MCOLN2: variants seen among roughly 807,000 people sequenced by gnomAD.
The protein encoded by MCOLN2 is mucolipin-2.
A neutral mutation model predicts 67.5 loss-of-function variants in MCOLN2; 57 were observed. That is an observed-to-expected ratio of 0.84 (90% CI 0.68 to 1.05). The LOEUF is 1.05. Among genes scored for constraint, MCOLN2 ranks in the 50% least tolerant of loss-of-function variants. The pLI is 0.00. For missense variants in MCOLN2, 620 were observed against 678.8 expected, an observed-to-expected ratio of 0.91 and a Z score of 0.96; for synonymous variants, 246 against 233.3, an observed-to-expected ratio of 1.05 and a Z score of -0.50.
At chr1:84,995,962 C>T (rs1333874456) in intron 1 of MCOLN2, among the ~76,000 whole-genome samples, 1 of 152,010 alleles carries the variant, frequency 6.6e-6, no homozygotes, top group Non-Finnish European at 1.5e-5. Flanking sequence ...TTTAGAGTTC[C>T]GGCCACAGAA....
chr1:84,951,113 C>T (rs12138367), intron 6 of MCOLN2, among the ~76,000 whole-genome samples: 34,561 of 152,112 alleles, frequency 0.23, 4,072 homozygotes, highest in South Asian at 0.29. Flanking sequence ...CAGCTGGAGA[C>T]ATTCTTCCTT....
intron 1 of MCOLN2, among the ~76,000 whole-genome samples, chr1:84,987,665 T>TATAGAAATATACATAC (rs1170739953): frequency 7.9e-5 from 11 of 139,578 alleles, no homozygotes; most frequent in African/African-American, 2.6e-4. Context: ...TACATATGTA[T>TATAGAAATATACATAC]ATATGTATAT....
chr1:84,973,390 T>C (rs1571020627), intron 1 of MCOLN2, among the ~76,000 whole-genome samples: 2 of 152,228 alleles, frequency 1.3e-5, no homozygotes, highest in South Asian at 4.2e-4. Context: ...AGGTAGTAGA[T>C]TCGCTTAAGC....
chr1:84,957,459 A>T (rs1648854910), intron 3 of MCOLN2, among the ~76,000 whole-genome samples: 1 of 152,228 alleles, frequency 6.6e-6, no homozygotes, highest in African/African-American at 2.4e-5. Flanking sequence ...TTTCAGGAAC[A>T]TCCAAAAAAT....
intron 1 of MCOLN2, among the ~76,000 whole-genome samples, chr1:84,971,002 G>A (rs544568052): frequency 6.6e-6 from 1 of 152,206 alleles, no homozygotes; most frequent in African/African-American, 2.4e-5. Context: ...AAAAGAAAAA[G>A]GTCAAAGTAG....
At chr1:84,977,784 A>G (rs776194275) in intron 1 of MCOLN2, among the ~76,000 whole-genome samples, 10 of 152,216 alleles carry the variant, frequency 6.6e-5, no homozygotes, top group Non-Finnish European at 1.2e-4. Context: ...CCCCAATAAA[A>G]TAACAGCTGG....
At chr1:84,947,194 ATCTGCTT>A in intron 6 of MCOLN2, 62 bp from the exon 7 acceptor site, 4 of 865,078 alleles carry the variant, frequency 4.6e-6, no homozygotes, top group South Asian at 2.8e-5. Flanking sequence ...GTTAGATCAA[ATCTGCTT>A]AAAAAAAAAA....
At chr1:84,940,090 T>A (rs541836390) in intron 8 of MCOLN2, among the ~76,000 whole-genome samples, 1 of 150,936 alleles carries the variant, frequency 6.6e-6, no homozygotes, top group Admixed American at 6.6e-5. Context: ...AGGATCCGTG[T>A]CCAGGCAGGC....
intron 1 of MCOLN2, among the ~76,000 whole-genome samples, chr1:84,983,676 C>CTTT (rs569506991): frequency 3.1e-5 from 4 of 129,866 alleles, no homozygotes; most frequent in Non-Finnish European, 4.9e-5. Flanking sequence ...TTTAAAATTT[C>CTTT]TTTTTTTTTT....
intron 7 of MCOLN2, among the ~76,000 whole-genome samples, chr1:84,941,509 A>AAAAAAC (rs1478339183): frequency 6.6e-6 from 1 of 152,158 alleles, no homozygotes; most frequent in African/African-American, 2.4e-5. Context: ...AACAAAAAAC[A>AAAAAAC]AAAAACAAAA....
intron 11 of MCOLN2, among the ~76,000 whole-genome samples, chr1:84,935,678 G>A (rs1647387458): frequency 6.6e-6 from 1 of 151,996 alleles, no homozygotes; most frequent in Non-Finnish European, 1.5e-5. Flanking sequence ...ATTTCTTCAT[G>A]TAGCTACTAG....
At chr1:84,926,833 G>C in intron 13 of MCOLN2, 112 bp from the exon 14 acceptor site, 1 of 676,796 alleles carries the variant, frequency 1.5e-6, no homozygotes, top group Non-Finnish European at 2.2e-6. Flanking sequence ...CATGTTGAGT[G>C]AAACATAGAA....
rs1244515226 is a variant in MCOLN2, at chr1:84,947,185, T to C, written c.748-53A>G. 3 of 913,974 alleles carry C rather than the reference T, an allele frequency of 3.3e-6. No individual in the cohort carries two copies. The East Asian group carries it at 7.2e-5, about 22-fold the overall frequency. The allele number at this position is 913,974 out of a possible 1,614,324, so 56.6% of individuals were successfully genotyped here. ...ACAACACAGAAGAAAGTATAACATG[T>C]TAGATCAAATCTGCTTAAAAAAAAA... On this transcript the variant is annotated intron_variant, in intron 6 of 13. Coordinates refer to ENST00000370608, the MANE Select transcript of MCOLN2 (RefSeq NM_153259.4).
chr1:84,929,114 G>A (rs909390353), intron 13 of MCOLN2, among the ~76,000 whole-genome samples: 2 of 152,192 alleles, frequency 1.3e-5, no homozygotes, highest in African/African-American at 2.4e-5. Context: ...TGGTGTGCAC[G>A]GATAAGCAAG....
chr1:84,929,945 A>T (rs959426463), intron 12 of MCOLN2: 3 of 248,260 alleles, frequency 1.2e-5, no homozygotes, highest in African/African-American at 2.3e-5. Context: ...AAAAAAAAAA[A>T]GGTAATGAAG....
chr1:84,986,752 T>C (rs753189956), intron 1 of MCOLN2, among the ~76,000 whole-genome samples: 2 of 151,912 alleles, frequency 1.3e-5, no homozygotes, highest in African/African-American at 2.4e-5. Context: ...AAAGAAGATA[T>C]ACAAATAGCC....
At chr1:84,929,299 A>G (rs1009443828) in intron 13 of MCOLN2, among the ~76,000 whole-genome samples, 1 of 152,252 alleles carries the variant, frequency 6.6e-6, no homozygotes, top group African/African-American at 2.4e-5. Context: ...GACTTTAAGG[A>G]CATAATTTAT....
intron 10 of MCOLN2, 34 bp downstream of exon 10, chr1:84,937,947 A>C: frequency 6.2e-7 from 1 of 1,613,126 alleles, no homozygotes; most frequent in South Asian, 1.1e-5. Context: ...ATGAGTCTCA[A>C]CTGCAGTGGC....
intron 11 of MCOLN2, among the ~76,000 whole-genome samples, chr1:84,934,099 G>A (rs1301291011): frequency 6.6e-6 from 1 of 152,146 alleles, no homozygotes; most frequent in Non-Finnish European, 1.5e-5. Context: ...TGGATCTTGA[G>A]TGATCATAAG....
Sources: gnomAD v4.1 joint callset for allele counts (sites outside exome capture counted in the v4.1 genomes callset) on GRCh38, gnomAD v4.1.1 for gene constraint, MANE v1.5 for transcripts, NCBI Gene and HGNC (gene_info 2026-07-23, HGNC 2026-07-21) for gene names.